PAK4: variants seen among roughly 807,000 people sequenced by gnomAD.
PAK4 encodes the protein serine/threonine-protein kinase PAK 4.
In PAK4, 49 loss-of-function variants were observed where a neutral mutation model predicts 53.5. That is an observed-to-expected ratio of 0.92 (90% CI 0.73 to 1.16). PAK4 has a LOEUF of 1.16. Among genes scored for constraint, PAK4 ranks in the 50% most tolerant of loss-of-function variants. The pLI is 0.00. For synonymous variants in PAK4, 376 were observed against 375.6 expected (o/e 1.00, Z -0.01); for missense variants, 824 against 850.7 (o/e 0.97, Z 0.39).
chr19:39,169,780 TC>T, intron 2 of PAK4, 23 bp downstream of exon 3: 1 of 1,359,624 alleles, frequency 7.4e-7, no homozygotes. Context: ...CACCACCACC[TC>T]CCCCAGCCCA....
At chr19:39,149,833 G>A (rs576478418) in intron 1 of PAK4, among the ~76,000 whole-genome samples, 4 of 152,140 alleles carry the variant, frequency 2.6e-5, no homozygotes, top group Admixed American at 6.5e-5. Flanking sequence ...TCCAGCCCAG[G>A]CAACAGAGAG....
chr19:39,172,824 G>T lies in PAK4; in HGVS notation c.205-94G>T. ...CATTGCGTCTCTGTCTTGTCTCTGTGTGTGTCGTGCTGTCCTGTCCCTGCG... is the reference window on the plus strand; with the variant it reads ...CATTGCGTCTCTGTCTTGTCTCTGTTTGTGTCGTGCTGTCCTGTCCCTGCG... On this transcript the variant is annotated intron_variant, in intron 2 of 8. Coordinates refer to ENST00000358301, the Ensembl canonical transcript of PAK4. The T allele has an allele frequency of 2.9e-6, 3 of 1,029,844 alleles. No homozygotes were observed. The South Asian group carries it at 4.7e-5, about 16-fold the overall frequency. 63.8% of individuals were successfully genotyped at this position (1,029,844 alleles called of 1,614,324 possible).
chr19:39,176,855 C>T (rs1422865827), intron 7 of PAK4, 140 bp downstream of exon 8: 3 of 971,476 alleles, frequency 3.1e-6, no homozygotes, highest in East Asian at 2.5e-5. Flanking sequence ...GTACTGCAGG[C>T]ATGCATGTAT....
chr19:39,151,587 G>T (rs571358842), intron 1 of PAK4, among the ~76,000 whole-genome samples: 8 of 152,338 alleles, frequency 5.3e-5, no homozygotes, highest in Admixed American at 3.9e-4. Flanking sequence ...ATGGGGACTG[G>T]CTCCAGACAT....
rs745915103 is a variant in PAK4 at position 39,169,541 on chromosome 19, A to G, written c.-13A>G. On this transcript the variant is annotated 5_prime_UTR_variant, in exon 2 of 9. Coordinates refer to ENST00000358301, the Ensembl canonical transcript of PAK4. ...TGATTCCCTCCCGCAGGCCGCACCG[A>G]GTCCCCGGCACCATGTTTGGGAAGA... The G allele has an allele frequency of 2.4e-5, 39 of 1,610,780 alleles. No homozygotes were observed. In the South Asian group the frequency reaches 4.3e-4, roughly 18 times the overall value.
rs562284090 is a variant in PAK4, at chr19:39,159,542, C to T, written c.-22-9990C>T. Reference sequence around the variant, plus strand: ...CTGGGACTAGAGGCACATGCCACCACGCCCAGCTAATTTTTGTATTTTTTT... The same window carrying T: ...CTGGGACTAGAGGCACATGCCACCATGCCCAGCTAATTTTTGTATTTTTTT... On this transcript the variant is annotated intron_variant, in intron 1 of 8. Coordinates refer to ENST00000358301, the Ensembl canonical transcript of PAK4. 2.9e-3 allele frequency among the ~76,000 whole-genome samples: 439 copies of T among 152,234 alleles called. 2 individuals are homozygous for T. The highest frequency in any genetic ancestry group is 9.5e-3 in the African/African-American group (396 of 41,532).
chr19:39,165,591 C>T (rs528269347), intron 1 of PAK4, among the ~76,000 whole-genome samples: 1 of 152,024 alleles, frequency 6.6e-6, no homozygotes, highest in South Asian at 2.1e-4. Flanking sequence ...CACCTCAGCC[C>T]TCCAGGGCAG....
rs368401207 is a variant in PAK4, at chr19:39,144,894, C to T, written c.-23+18975C>T. On this transcript the variant is annotated intron_variant, in intron 1 of 8. Coordinates refer to ENST00000358301, the Ensembl canonical transcript of PAK4. ...CTTTCAGTTGTCAGGATCGCTCTCCCGGTTTTTCCTGCATGGTGGTGTAAA... is the reference window on the plus strand; with the variant it reads ...CTTTCAGTTGTCAGGATCGCTCTCCTGGTTTTTCCTGCATGGTGGTGTAAA... Among the ~76,000 whole-genome samples the T allele has an allele frequency of 3.9e-5, 6 of 152,222 alleles. No homozygotes were observed. In the South Asian group the frequency reaches 6.2e-4, roughly 16 times the overall value.
intron 1 of PAK4, 96 bp from the exon 3 acceptor site, chr19:39,169,436 C>T (rs953930721): frequency 2.3e-6 from 2 of 885,444 alleles, no homozygotes; most frequent in Middle Eastern, 5.5e-4. Flanking sequence ...TCCTGTTGGT[C>T]CCGGTGTAAG....
At chr19:39,150,131 A>G (rs1042069014) in intron 1 of PAK4, among the ~76,000 whole-genome samples, 9 of 152,154 alleles carry the variant, frequency 5.9e-5, no homozygotes, top group African/African-American at 1.2e-4. Flanking sequence ...GAAACCAGCT[A>G]GGTATGTTGG....
Position 39,173,815 on chromosome 19 carries a change from T to C in PAK4, c.903T>C (p.His301=). 6.2e-7 allele frequency: 1 copy of C among 1,611,814 alleles called. No individual in the cohort carries two copies. The highest frequency in any genetic ancestry group is 8.5e-7 in the Non-Finnish European group (1 of 1,179,604). Residue 301 remains histidine, a synonymous_variant, in exon 4 of 9, where the codon CAT becomes CAC. Coordinates refer to ENST00000358301, the Ensembl canonical transcript of PAK4. This position sits in a 1 kb window ranked among gnomAD's most constrained non-coding sequence, Gnocchi z 6.9. ...AGCGGGAGCCACAGCGAGTATCCCA[T>C]GAGCAGTTCCGGGCTGCCCTGCAGC...
intron 1 of PAK4, among the ~76,000 whole-genome samples, chr19:39,163,186 G>T (rs570826929): frequency 2.0e-5 from 3 of 152,308 alleles, no homozygotes; most frequent in South Asian, 2.1e-4. Context: ...TGGCAGGGTG[G>T]TGAGTGGGAC....
At chr19:39,137,117 C>T (rs11665751) in intron 1 of PAK4, among the ~76,000 whole-genome samples, 3,163 of 152,294 alleles carry the variant, frequency 0.021, 50 homozygotes, top group Non-Finnish European at 0.03. Flanking sequence ...GCTCCTAACA[C>T]ACTTATCCTG....
At chr19:39,136,504 C>T (rs944056354) in intron 1 of PAK4, 1 of 152,330 alleles carries the variant, frequency 6.6e-6, no homozygotes, top group African/African-American at 2.4e-5. Flanking sequence ...GACAGTGGCC[C>T]CCTTGGGGAG....
intron 1 of PAK4, among the ~76,000 whole-genome samples, chr19:39,162,460 G>T (rs1182241211): frequency 2.0e-5 from 3 of 152,058 alleles, no homozygotes; most frequent in South Asian, 2.1e-4. Flanking sequence ...TAGAGACAGG[G>T]TCTCACTAGG....
chr19:39,161,300 G>A lies in PAK4; in HGVS notation c.-22-8232G>A, dbSNP rs2074280031. Among the ~76,000 whole-genome samples, 2 of 152,220 alleles carry A rather than the reference G, an allele frequency of 1.3e-5. No homozygotes were observed. The highest frequency in any genetic ancestry group is 2.9e-5 in the Non-Finnish European group (2 of 68,042). On this transcript the variant is annotated intron_variant, in intron 1 of 8. Transcript: ENST00000358301. The surrounding 1 kb of genome is among the most constrained non-coding windows in gnomAD (Gnocchi z 4.5). ...ACAGGCAAACAACTGTAATGTGTGA[G>A]GCAACGCTGAGGGCCCTGGAGGGAA...
At chr19:39,167,293 G>GT (rs1237701650) in intron 1 of PAK4, among the ~76,000 whole-genome samples, 2 of 152,226 alleles carry the variant, frequency 1.3e-5, no homozygotes, top group Admixed American at 1.3e-4. Context: ...GCCAAAGGGG[G>GT]TGGAGGGACA....
At position 39,175,258 on chromosome 19, in the gene PAK4, C is replaced by G; in HGVS notation, c.1233-54C>G. 1.3e-6 allele frequency: 2 copies of G among 1,532,476 alleles called. No homozygotes were observed. Among genetic ancestry groups the G allele is most frequent in the Non-Finnish European group, 1.8e-6 (2 of 1,131,498 alleles). The allele number at this position is 1,532,476 out of a possible 1,614,324, so 94.9% of individuals were successfully genotyped here. A position where few individuals can be genotyped will look rare whatever the true frequency, so the allele number is the denominator to read the frequency against. Reference sequence around the variant, plus strand: ...CTGCAAGGCAGGGCTGCGTCCCCCTCGGCACCCCGGGGTGCTGTCCAGCTG... The same window carrying G: ...CTGCAAGGCAGGGCTGCGTCCCCCTGGGCACCCCGGGGTGCTGTCCAGCTG... On this transcript the variant is annotated intron_variant, in intron 5 of 8. Transcript: ENST00000358301. This position sits in a 1 kb window ranked among gnomAD's most constrained non-coding sequence, Gnocchi z 4.7.
Position 39,143,606 on chromosome 19 carries a change from AAAAAAAAAAAAAAAAAAG to A in PAK4, c.-23+17690_-23+17707del, listed in dbSNP as rs1313448188. Among the ~76,000 whole-genome samples the A allele has an allele frequency of 4.2e-5, 6 of 142,560 alleles. No homozygotes were observed. In the East Asian group the frequency reaches 1.2e-3, roughly 29 times the overall value. The allele number at this position is 142,560 out of a possible 152,430, so 93.5% of individuals were successfully genotyped here. ...AGACTCTGTCTCAAAAAAAAAAAAA[AAAAAAAAAAAAAAAAAAG>A]AATTGTTGAGTGCATGAATGAATAA... On this transcript the variant is annotated intron_variant, in intron 1 of 8. Coordinates refer to ENST00000358301, the Ensembl canonical transcript of PAK4.
Sources: allele counts gnomAD v4.1 joint callset (sites outside exome capture counted in the v4.1 genomes callset), GRCh38; gene constraint gnomAD v4.1.1; non-coding constraint Gnocchi (gnomAD v3.1); transcripts MANE v1.5; gene names NCBI Gene and HGNC (gene_info 2026-07-23, HGNC 2026-07-21).